ANO10: variants seen among roughly 807,000 people sequenced by gnomAD.
The protein encoded by ANO10 is anoctamin-10.
In ANO10, 77 loss-of-function variants were observed where a neutral mutation model predicts 74.7. The ratio of observed to expected loss-of-function variants is 1.03; its 90% CI spans 0.86 to 1.25. The LOEUF (loss-of-function observed/expected upper bound fraction) is 1.25, where lower values mean the gene tolerates loss of function less well. ANO10 is among the 50% of genes most tolerant of loss of function. The pLI is 0.00. For synonymous variants in ANO10, 279 were observed against 284.9 expected (o/e 0.98, Z 0.21); for missense variants, 721 against 778.1 (o/e 0.93, Z 0.87).
At chr3:43,546,046 G>C (rs747650548) in intron 11 of ANO10, among the ~76,000 whole-genome samples, 87 of 152,170 alleles carry the variant, frequency 5.7e-4, no homozygotes, top group Non-Finnish European at 8.4e-4. Flanking sequence ...TAAACAGCTT[G>C]AGCTTGGTTT....
intron 9 of ANO10, among the ~76,000 whole-genome samples, chr3:43,557,839 C>T (rs2079833785): frequency 6.6e-6 from 1 of 150,510 alleles, no homozygotes; most frequent in Non-Finnish European, 1.5e-5. Flanking sequence ...TTAGGTCAGG[C>T]ATGGTGGCTC....
chr3:43,382,032 C>T (rs1463365510), intron 12 of ANO10, among the ~76,000 whole-genome samples: 3 of 152,196 alleles, frequency 2.0e-5, no homozygotes, highest in Non-Finnish European at 4.4e-5. Flanking sequence ...AATAGTGACA[C>T]GACCTATCAA....
intron 1 of ANO10, among the ~76,000 whole-genome samples, chr3:43,689,775 G>T: frequency 6.6e-6 from 1 of 152,064 alleles, no homozygotes; most frequent in East Asian, 1.9e-4. Flanking sequence ...AGAGGGAGGA[G>T]AGTCAGGGAA....
At chr3:43,556,680 C>A (rs771486062) in intron 9 of ANO10, among the ~76,000 whole-genome samples, 2 of 152,184 alleles carry the variant, frequency 1.3e-5, no homozygotes, top group Non-Finnish European at 2.9e-5. Flanking sequence ...ACCCTATTCT[C>A]TCTTTTTGTT....
chr3:43,606,336 A>C (rs187411513), intron 1 of ANO10, among the ~76,000 whole-genome samples: 14 of 152,328 alleles, frequency 9.2e-5, no homozygotes, highest in African/African-American at 3.4e-4. Context: ...TGGTGGGAAC[A>C]TTAACTTTGT....
chr3:43,371,668 T>C (rs1193414128), intron 12 of ANO10, among the ~76,000 whole-genome samples: 1 of 152,144 alleles, frequency 6.6e-6, no homozygotes, highest in Non-Finnish European at 1.5e-5. Flanking sequence ...ACACACCCCT[T>C]ATTCACACCT....
chr3:43,687,371 G>A (rs182633356), intron 1 of ANO10, among the ~76,000 whole-genome samples: 1 of 152,180 alleles, frequency 6.6e-6, no homozygotes, highest in East Asian at 1.9e-4. Context: ...TGCTTGGCAG[G>A]CTTGTGATAA....
At chr3:43,686,292 T>TC (rs1376881391) in intron 1 of ANO10, among the ~76,000 whole-genome samples, 2 of 152,134 alleles carry the variant, frequency 1.3e-5, no homozygotes. Context: ...AAACTTTTAT[T>TC]CTTTTTTTTT....
At chr3:43,548,995 T>G (rs995412966) in intron 11 of ANO10, among the ~76,000 whole-genome samples, 1 of 152,222 alleles carries the variant, frequency 6.6e-6, no homozygotes, top group African/African-American at 2.4e-5. Flanking sequence ...CAAATGAGAC[T>G]TAAGTCATTA....
intron 10 of ANO10, among the ~76,000 whole-genome samples, chr3:43,550,774 A>T (rs764727686): frequency 1.3e-4 from 20 of 149,410 alleles, no homozygotes; most frequent in Non-Finnish European, 2.4e-4. Flanking sequence ...TTATATTCTC[A>T]TGGCTTAAAA....
intron 11 of ANO10, among the ~76,000 whole-genome samples, chr3:43,456,262 C>T (rs944154181): frequency 1.3e-5 from 2 of 152,148 alleles, no homozygotes; most frequent in Non-Finnish European, 2.9e-5. Context: ...TTTTGAGTGT[C>T]ACCTTTTATA....
At chr3:43,585,956 C>T (rs1316039689) in intron 4 of ANO10, among the ~76,000 whole-genome samples, 1 of 152,178 alleles carries the variant, frequency 6.6e-6, no homozygotes, top group Admixed American at 6.5e-5. Context: ...AAATCCCTAA[C>T]TTTGATGCAA....
intron 1 of ANO10, among the ~76,000 whole-genome samples, chr3:43,627,947 C>T (rs569198282): frequency 1.2e-4 from 19 of 152,050 alleles, no homozygotes; most frequent in East Asian, 7.7e-4. Context: ...AGTGCAGTGG[C>T]GCTATCTAGG....
chr3:43,393,052 A>G (rs1203867884), intron 12 of ANO10, among the ~76,000 whole-genome samples: 1 of 152,228 alleles, frequency 6.6e-6, no homozygotes, highest in Admixed American at 6.5e-5. Context: ...GTGAGGCTCT[A>G]TGTGCTCTCC....
chr3:43,534,445 CAT>C (rs2078608776), intron 11 of ANO10, among the ~76,000 whole-genome samples: 1 of 149,634 alleles, frequency 6.7e-6, no homozygotes, highest in Non-Finnish European at 1.5e-5. Flanking sequence ...TGTATGTGAG[CAT>C]GTGTGTGTGC....
intron 1 of ANO10, among the ~76,000 whole-genome samples, chr3:43,635,624 T>TC (rs1221621347): frequency 6.6e-6 from 1 of 152,090 alleles, no homozygotes; most frequent in East Asian, 1.9e-4. Context: ...TCTGATCTTT[T>TC]TTTTTTTTTT....
At chr3:43,449,779 A>C (rs1218823552) in intron 11 of ANO10, among the ~76,000 whole-genome samples, 2 of 151,930 alleles carry the variant, frequency 1.3e-5, no homozygotes. Context: ...GTCTTTTGCC[A>C]CTCCACATAA....
chr3:43,467,006 T>C (rs1367022095), intron 11 of ANO10, among the ~76,000 whole-genome samples: 1 of 152,222 alleles, frequency 6.6e-6, no homozygotes, highest in Non-Finnish European at 1.5e-5. Flanking sequence ...TCAACATCAT[T>C]AGTTGCCAGG....
intron 5 of ANO10, among the ~76,000 whole-genome samples, chr3:43,580,142 C>CAA (rs546649985): frequency 5.4e-4 from 39 of 72,462 alleles, no homozygotes; most frequent in Non-Finnish European, 8.3e-4. Context: ...GACCCTATCT[C>CAA]AAAAAAAAAA....
Sources: gnomAD v4.1 joint callset for allele counts (sites outside exome capture counted in the v4.1 genomes callset) on GRCh38, gnomAD v4.1.1 for gene constraint, MANE v1.5 for transcripts, NCBI Gene and HGNC (gene_info 2026-07-23, HGNC 2026-07-21) for gene names.